The following PIK3R3 variants were observed in gnomAD, a reference collection of about 807,000 sequenced individuals.
PIK3R3 encodes the protein phosphatidylinositol 3-kinase regulatory subunit gamma.
PIK3R3 carries 64 observed loss-of-function variants against 62.9 expected under a neutral mutation model. The observed-to-expected ratio is 1.02, with a 90% CI of 0.83 to 1.25. PIK3R3 has a LOEUF of 1.25. Among genes scored for constraint, PIK3R3 ranks in the 50% most tolerant of loss-of-function variants. The probability of loss-of-function intolerance (pLI) is 0.00; values close to 1 mark genes in which losing one functional copy is unlikely to be tolerated. For synonymous variants in PIK3R3, 165 were observed against 189.0 expected, an observed-to-expected ratio of 0.87 and a Z score of 1.04; for missense variants, 614 against 561.6, an observed-to-expected ratio of 1.09 and a Z score of -0.94.
intron 5 of PIK3R3, 89 bp downstream of exon 5, chr1:46,065,965 C>T: frequency 8.6e-7 from 1 of 1,164,540 alleles, no homozygotes; most frequent in Admixed American, 1.7e-5. Flanking sequence ...GACATTAAAA[C>T]AGCTAAAGAT....
chr1:46,089,277 G>A (rs1376111390), intron 1 of PIK3R3, among the ~76,000 whole-genome samples: 2 of 152,112 alleles, frequency 1.3e-5, no homozygotes, highest in Non-Finnish European at 2.9e-5. Flanking sequence ...TCAAACAGGA[G>A]GATGAAGGGC....
the PIK3R3 span, among the ~76,000 whole-genome samples, chr1:46,151,709 A>T: frequency 6.6e-6 from 1 of 152,174 alleles, no homozygotes; most frequent in Non-Finnish European, 1.5e-5. Context: ...TCCCCAGCTT[A>T]TCCAGTGTTC....
intron 2 of PIK3R3, among the ~76,000 whole-genome samples, chr1:46,079,000 T>C (rs1003851321): frequency 1.3e-5 from 2 of 152,178 alleles, no homozygotes; most frequent in Non-Finnish European, 2.9e-5. Flanking sequence ...GTTTAATGGG[T>C]ACAGAATTTC....
the PIK3R3 span, among the ~76,000 whole-genome samples, chr1:46,158,115 C>T: frequency 6.6e-6 from 1 of 152,304 alleles, no homozygotes; most frequent in African/African-American, 2.4e-5. Flanking sequence ...GTCACCCCAT[C>T]CCACTCCTTC....
chr1:46,162,196 A>G, the PIK3R3 span, among the ~76,000 whole-genome samples: 14 of 150,968 alleles, frequency 9.3e-5, no homozygotes, highest in Non-Finnish European at 1.8e-4. Flanking sequence ...TAGGCTAAGC[A>G]TGGTGGCTTG....
intron 1 of PIK3R3, among the ~76,000 whole-genome samples, chr1:46,123,506 G>T (rs2149470881): frequency 6.6e-6 from 1 of 152,274 alleles, no homozygotes; most frequent in South Asian, 2.1e-4. Context: ...CTACTTAAAA[G>T]AAATGAAGAG....
intron 1 of PIK3R3, among the ~76,000 whole-genome samples, chr1:46,104,253 T>TA (rs1421970341): frequency 3.9e-5 from 6 of 151,918 alleles, no homozygotes; most frequent in South Asian, 2.1e-4. Context: ...ACTGCAATGA[T>TA]AAAAAAAAGG....
rs186384660 is a variant in PIK3R3, at chr1:46,103,664, G to A, written c.107-22914C>T. Among the ~76,000 whole-genome samples, 157 of 151,768 alleles carry A rather than the reference G, an allele frequency of 1.0e-3. 1 individual carries two copies. The highest frequency in any genetic ancestry group is 3.6e-3 in the African/African-American group (151 of 41,452). ...GGCTTAAGTGCAATAGCACGATCTC[G>A]GCTCACTGCAACCTCCACCTCCCAG... On this transcript the variant is annotated intron_variant, in intron 1 of 9. Coordinates refer to ENST00000262741, the MANE Select transcript of PIK3R3 (RefSeq NM_003629.4).
chr1:46,131,617 C>T (rs1221889552), intron 1 of PIK3R3: 1 of 250,468 alleles, frequency 4.0e-6, no homozygotes, highest in South Asian at 4.1e-5. Flanking sequence ...TCTCCTCCCA[C>T]CCCCACTTCC....
chr1:46,053,178 T>C (rs1289785907), intron 7 of PIK3R3, among the ~76,000 whole-genome samples: 1 of 152,220 alleles, frequency 6.6e-6, no homozygotes, highest in Non-Finnish European at 1.5e-5. Context: ...CCTACACTTC[T>C]GAGTTGTCCT....
chr1:46,126,537 C>CAA (rs748267192), intron 1 of PIK3R3, among the ~76,000 whole-genome samples: 7 of 86,548 alleles, frequency 8.1e-5, no homozygotes, highest in Admixed American at 2.4e-4. Context: ...GACCCTGTCT[C>CAA]AAAAAAAAAA....
At chr1:46,054,081 G>C (rs557428444) in intron 7 of PIK3R3, among the ~76,000 whole-genome samples, 1 of 152,092 alleles carries the variant, frequency 6.6e-6, no homozygotes, top group South Asian at 2.1e-4. Flanking sequence ...TGGTGTAGTT[G>C]TAATTGTTTA....
At position 46,129,220 on chromosome 1, in the gene PIK3R3, T is replaced by C. The variant is rs562397502; in HGVS notation, c.106+2627A>G. Among the ~76,000 whole-genome samples, 115 of 152,142 alleles carry C rather than the reference T, an allele frequency of 7.6e-4. 1 individual carries two copies. Among genetic ancestry groups the C allele is most frequent in the African/African-American group, 2.7e-3 (110 of 41,502 alleles). On this transcript the variant is annotated intron_variant, in intron 1 of 9. Coordinates refer to ENST00000262741, the MANE Select transcript of PIK3R3 (RefSeq NM_003629.4). Reference sequence around the variant, plus strand: ...AACACATACATATAAGATTTCAACATGTAACTATTGTGAGTGAAAGGCATC... The same window carrying C: ...AACACATACATATAAGATTTCAACACGTAACTATTGTGAGTGAAAGGCATC...
chr1:46,129,516 AGAT>A (rs1035641761), intron 1 of PIK3R3, among the ~76,000 whole-genome samples: 12 of 152,074 alleles, frequency 7.9e-5, no homozygotes, highest in African/African-American at 2.9e-4. Flanking sequence ...ATAAATCATC[AGAT>A]GATACTCTTA....
At chr1:46,162,919 G>A in the PIK3R3 span, among the ~76,000 whole-genome samples, 1 of 152,146 alleles carries the variant, frequency 6.6e-6, no homozygotes, top group Non-Finnish European at 1.5e-5. Context: ...CACCATGCCC[G>A]ACCGCACTGT....
intron 1 of PIK3R3, among the ~76,000 whole-genome samples, chr1:46,088,803 T>A (rs1435727546): frequency 8.7e-5 from 13 of 148,808 alleles, no homozygotes; most frequent in African/African-American, 2.7e-4. Context: ...ATGAAAAAGA[T>A]CCATATCAAG....
At chr1:46,123,447 G>A (rs764210763) in intron 1 of PIK3R3, among the ~76,000 whole-genome samples, 1 of 152,086 alleles carries the variant, frequency 6.6e-6, no homozygotes, top group Non-Finnish European at 1.5e-5. Context: ...ATGTAAGTTA[G>A]GTGCCATATT....
At chr1:46,122,077 AAAAATAAAAT>A (rs370230345) in intron 1 of PIK3R3, among the ~76,000 whole-genome samples, 10 of 152,128 alleles carry the variant, frequency 6.6e-5, no homozygotes, top group East Asian at 1.9e-4. Context: ...ACTCCATCTC[AAAAATAAAAT>A]AAAATAAAAT....
At chr1:46,085,524 G>A (rs1381212181) in intron 1 of PIK3R3, among the ~76,000 whole-genome samples, 1 of 152,116 alleles carries the variant, frequency 6.6e-6, no homozygotes, top group East Asian at 1.9e-4. Context: ...GTAGATTGTA[G>A]AATATACTGG....
Sources: gnomAD v4.1 joint callset for allele counts (sites outside exome capture counted in the v4.1 genomes callset) on GRCh38, gnomAD v4.1.1 for gene constraint, MANE v1.5 for transcripts, NCBI Gene and HGNC (gene_info 2026-07-23, HGNC 2026-07-21) for gene names.